Variants in ST3GAL6 observed in about 807,000 individuals in gnomAD.
ST3GAL6 encodes the protein ST3 beta-galactoside alpha-2,3-sialyltransferase 6, also known as type 2 lactosamine alpha-2,3-sialyltransferase.
ST3GAL6 carries 31 observed loss-of-function variants against 40.5 expected under a neutral mutation model. The ratio of observed to expected loss-of-function variants is 0.77; its 90% CI spans 0.58 to 1.03. ST3GAL6 has a LOEUF of 1.03. ST3GAL6 is among the 50% of genes least tolerant of loss of function. The pLI is 0.00. For missense variants in ST3GAL6, 357 were observed against 393.2 expected (o/e 0.91, Z 0.78); for synonymous variants, 129 against 136.9 (o/e 0.94, Z 0.40).
chr3:98,732,581 G>A (rs2107223186), intron 1 of ST3GAL6: 1 of 366,632 alleles, frequency 2.7e-6, no homozygotes, highest in African/African-American at 2.1e-5. Context: ...CTCACCCTCC[G>A]GGAGACCCGC....
intron 4 of ST3GAL6, chr3:98,773,120 CAG>C (rs1326926705): frequency 2.1e-5 from 7 of 341,194 alleles, no homozygotes; most frequent in Non-Finnish European, 2.6e-5. Context: ...CAAAGGATAA[CAG>C]GGGTAGATTT....
rs1576146109 is a variant in ST3GAL6 at position 98,795,208 on chromosome 3, A to G, written c.*1447A>G. ...CAGAAGAGGTATGAGCTGAAGAAAG[A>G]ATTACTCTCTTTTGACCAATAAATA... On this transcript the variant is annotated 3_prime_UTR_variant, in exon 10 of 10. Coordinates refer to ENST00000483910, the MANE Select transcript of ST3GAL6 (RefSeq NM_001323368.2). The G allele has an allele frequency of 6.6e-6, 1 of 152,220 alleles. No homozygotes were observed. The highest frequency in any genetic ancestry group is 1.5e-5 in the Non-Finnish European group (1 of 68,052). The allele number at this position is 152,220 out of a possible 1,614,324, so 9.4% of individuals were successfully genotyped here.
At chr3:98,752,662 G>A (rs1462388492) in intron 1 of ST3GAL6, among the ~76,000 whole-genome samples, 2 of 151,908 alleles carry the variant, frequency 1.3e-5, no homozygotes, top group South Asian at 2.1e-4. Context: ...TAGTAGAGAC[G>A]GGGTTTCACC....
At chr3:98,739,254 C>A (rs1935846532) in intron 1 of ST3GAL6, among the ~76,000 whole-genome samples, 1 of 151,900 alleles carries the variant, frequency 6.6e-6, no homozygotes, top group Non-Finnish European at 1.5e-5. Flanking sequence ...CAAAAAGATC[C>A]CAAATTAACA....
chr3:98,753,813 C>G (rs1460824466), intron 1 of ST3GAL6, among the ~76,000 whole-genome samples: 1 of 152,166 alleles, frequency 6.6e-6, no homozygotes, highest in East Asian at 1.9e-4. Flanking sequence ...AAATAATTGT[C>G]CTAAATCTAC....
intron 1 of ST3GAL6, among the ~76,000 whole-genome samples, chr3:98,742,646 T>A (rs1193397245): frequency 2.6e-5 from 4 of 152,138 alleles, no homozygotes; most frequent in Admixed American, 6.5e-5. Context: ...ATCTACTGAT[T>A]CAAATATACA....
At chr3:98,774,037 C>A in intron 5 of ST3GAL6, 54 bp downstream of exon 5, 1 of 1,372,024 alleles carries the variant, frequency 7.3e-7, no homozygotes, top group Non-Finnish European at 1.0e-6. Context: ...TAAGCTGGTT[C>A]AAAATATGTA....
upstream of ST3GAL6, chr3:98,762,685 ATATTAT>A (rs563179444): frequency 2.6e-3 from 1,568 of 598,394 alleles, 2 homozygotes; most frequent in Middle Eastern, 4.3e-3. Flanking sequence ...TTTTTAAAAG[ATATTAT>A]TAAATGATTA....
At chr3:98,793,175 C>T (rs1941354167) in intron 9 of ST3GAL6, among the ~76,000 whole-genome samples, 1 of 152,178 alleles carries the variant, frequency 6.6e-6, no homozygotes, top group Admixed American at 6.5e-5. Flanking sequence ...TTTCCTGTAG[C>T]ACTTGTGGTA....
In ST3GAL6 at chr3:98,795,807, A is replaced by G. The variant is rs1941564766; in HGVS notation, c.*2046A>G. ...GTAACAACCTGCACTCTGCACATGT[A>G]CCCTTAGAATCTAAAATAAAAGTTG... On this transcript the variant is annotated 3_prime_UTR_variant, in exon 10 of 10. Transcript: ENST00000483910. 6.6e-6 allele frequency: 1 copy of G among 152,200 alleles called. No individual in the cohort carries two copies. The highest frequency in any genetic ancestry group is 2.4e-5 in the African/African-American group (1 of 41,442). The allele number at this position is 152,200 out of a possible 1,614,324, so 9.4% of individuals were successfully genotyped here.
intron 4 of ST3GAL6, 81 bp from the exon 5 acceptor site, chr3:98,773,839 G>T (rs1447766490): frequency 1.8e-6 from 2 of 1,127,968 alleles, no homozygotes; most frequent in East Asian, 4.8e-5. Context: ...ATGGGTTTGT[G>T]TGGGAGGGAG....
At chr3:98,764,409 G>A (rs1026131420) in intron 1 of ST3GAL6, among the ~76,000 whole-genome samples, 11 of 152,046 alleles carry the variant, frequency 7.2e-5, no homozygotes, top group African/African-American at 2.7e-4. Flanking sequence ...CTGGGAACAG[G>A]GTTGGGAGTA....
chr3:98,762,155 C>T (rs184294737), upstream of ST3GAL6, among the ~76,000 whole-genome samples: 11 of 152,260 alleles, frequency 7.2e-5, no homozygotes, highest in East Asian at 1.2e-3. Context: ...ATATGCATGT[C>T]GGAACCAGCT....
chr3:98,785,119 A>T, intron 6 of ST3GAL6, 79 bp downstream of exon 6: 1 of 983,444 alleles, frequency 1.0e-6, no homozygotes, highest in Non-Finnish European at 1.5e-6. Context: ...CTGTGTTTTG[A>T]CAGGAAGGGG....
In ST3GAL6 at chr3:98,773,799, A is replaced by C. The variant is rs1939247108; in HGVS notation, c.272-121A>C. The C allele has an allele frequency of 4.4e-6, 3 of 679,518 alleles. No individual in the cohort carries two copies. In the South Asian group the frequency reaches 6.2e-5, roughly 14 times the overall value. 42.1% of individuals were successfully genotyped at this position (679,518 alleles called of 1,614,324 possible). A position where few individuals can be genotyped will look rare whatever the true frequency, so the allele number is the denominator to read the frequency against. On this transcript the variant is annotated intron_variant, in intron 4 of 9. Coordinates refer to ENST00000483910, the MANE Select transcript of ST3GAL6 (RefSeq NM_001323368.2). Reference sequence around the variant, plus strand: ...CAGTTGTATCATTAATTTTTCACAGAATAAATCAATGTGGCCATGCTGGTT... The same window carrying C: ...CAGTTGTATCATTAATTTTTCACAGCATAAATCAATGTGGCCATGCTGGTT...
intron 6 of ST3GAL6, among the ~76,000 whole-genome samples, chr3:98,787,211 C>A (rs1385803829): frequency 6.6e-6 from 1 of 152,132 alleles, no homozygotes; most frequent in African/African-American, 2.4e-5. Context: ...CCATAATTGT[C>A]TAAATCTGAT....
At chr3:98,786,947 C>G (rs1234447850) in intron 6 of ST3GAL6, among the ~76,000 whole-genome samples, 1 of 87,740 alleles carries the variant, frequency 1.1e-5, no homozygotes, top group Non-Finnish European at 2.4e-5. Flanking sequence ...AGGTCATCAT[C>G]TGGGATAAGT....
At chr3:98,738,039 C>T (rs964133234) in intron 1 of ST3GAL6, among the ~76,000 whole-genome samples, 1 of 151,958 alleles carries the variant, frequency 6.6e-6, no homozygotes, top group Non-Finnish European at 1.5e-5. Context: ...TGCTGTTCTT[C>T]TGATACTGAG....
intron 1 of ST3GAL6, among the ~76,000 whole-genome samples, chr3:98,757,412 G>C (rs768714391): frequency 5.9e-5 from 9 of 152,250 alleles, no homozygotes; most frequent in Middle Eastern, 3.4e-3. Flanking sequence ...CTTAGCCACT[G>C]GACTTGCAGA....
Sources: allele counts gnomAD v4.1 joint callset (sites outside exome capture counted in the v4.1 genomes callset), GRCh38; gene constraint gnomAD v4.1.1; transcripts MANE v1.5; gene names NCBI Gene and HGNC (gene_info 2026-07-23, HGNC 2026-07-21).